Variants in EIF5B observed in about 807,000 individuals in gnomAD.
EIF5B encodes eIF-5B.
A neutral mutation model predicts 147.5 loss-of-function variants in EIF5B; 47 were observed. The ratio of observed to expected loss-of-function variants is 0.32; its 90% CI spans 0.25 to 0.41. EIF5B has a LOEUF of 0.41. EIF5B is among the 10% of genes least tolerant of loss of function. The pLI, the probability that EIF5B is intolerant of heterozygous loss-of-function variation, is 1.00. For synonymous variants in EIF5B, 455 were observed against 456.2 expected (o/e 1.00, Z 0.03); for missense variants, 1,064 against 1,413.2 (o/e 0.75, Z 3.96).
chr2:99,378,995 A>T (rs1674618339), intron 10 of EIF5B, 24 bp from the exon 11 acceptor site: 2 of 1,271,958 alleles, frequency 1.6e-6, no homozygotes, highest in Non-Finnish European at 2.1e-6. Flanking sequence ...TTAATTTTTG[A>T]TTTTTTTTTT....
chr2:99,358,256 G>A (rs187294592), intron 1 of EIF5B, among the ~76,000 whole-genome samples: 257 of 152,098 alleles, frequency 1.7e-3, no homozygotes, highest in Admixed American at 2.6e-3. Flanking sequence ...TTTTAGAGAC[G>A]GGGTTTCATA....
Position 99,399,051 on chromosome 2 carries a change from C to T in EIF5B, c.3555+142C>T, listed in dbSNP as rs572675266. ...TCCCCCATTAGGGCTTGACCTCTAG[C>T]TGGGCCTTGTCTGTTGAGGAAGTTG... On this transcript the variant is annotated intron_variant, in intron 23 of 23. Coordinates refer to ENST00000289371, the MANE Select transcript of EIF5B (RefSeq NM_015904.4). 23 of 1,034,472 alleles carry T rather than the reference C, an allele frequency of 2.2e-5. No individual in the cohort carries two copies. The East Asian group carries it at 5.2e-4, about 23-fold the overall frequency. 64.1% of individuals were successfully genotyped at this position (1,034,472 alleles called of 1,614,324 possible). A position where few individuals can be genotyped will look rare whatever the true frequency, so the allele number is the denominator to read the frequency against.
At chr2:99,368,669 AAAG>A in intron 7 of EIF5B, 78 bp downstream of exon 7, 1 of 1,150,522 alleles carries the variant, frequency 8.7e-7, no homozygotes, top group Non-Finnish European at 1.3e-6. Context: ...CAGTGTCTGT[AAAG>A]AAGAAAGGAA....
At chr2:99,391,178 G>A (rs2104248127) in intron 17 of EIF5B, among the ~76,000 whole-genome samples, 1 of 152,206 alleles carries the variant, frequency 6.6e-6, no homozygotes, top group Non-Finnish European at 1.5e-5. Context: ...AAAAGAAAAC[G>A]TGATTAAGAA....
intron 14 of EIF5B, among the ~76,000 whole-genome samples, chr2:99,386,774 G>C (rs1010380605): frequency 6.6e-6 from 1 of 151,980 alleles, no homozygotes; most frequent in Non-Finnish European, 1.5e-5. Flanking sequence ...TCAAACTCCT[G>C]GCCTCAAGTG....
Position 99,400,465 on chromosome 2 carries a change from T to C in EIF5B, c.*1051T>C. On this transcript the variant is annotated 3_prime_UTR_variant, in exon 24 of 24. Transcript: ENST00000289371. ...TTGTTTGAGGAAAAAGTTCCAAATATCCACTAGCATAGAATTTTAAACTAT... is the reference window on the plus strand; with the variant it reads ...TTGTTTGAGGAAAAAGTTCCAAATACCCACTAGCATAGAATTTTAAACTAT... 6.6e-6 allele frequency: 1 copy of C among 152,188 alleles called. No individual in the cohort carries two copies. The allele number at this position is 152,188 out of a possible 1,614,324, so 9.4% of individuals were successfully genotyped here.
At position 99,396,885 on chromosome 2, in the gene EIF5B, T is replaced by C; in HGVS notation, c.3380T>C (p.Val1127Ala). ...GTGAAACAGGGGACACCCATGTGTG[T>C]CCCAAGCAAAAATGTAAGTTCTAGT... ...GQVKQGTPMC[V>A]PSKNFVDIGI... The change falls in exon 22 of 24, where the codon GTC (valine) becomes GCC (alanine). Residue 1127 changes from valine (V) to alanine (A), a missense_variant. Val to Ala is a moderately conservative substitution (Grantham distance 64). Transcript: ENST00000289371. 1.3e-6 allele frequency: 2 copies of C among 1,598,972 alleles called. No individual in the cohort carries two copies. Among genetic ancestry groups the C allele is most frequent in the Non-Finnish European group, 1.7e-6 (2 of 1,176,194 alleles).
intron 1 of EIF5B, among the ~76,000 whole-genome samples, chr2:99,343,422 C>T (rs190790800): frequency 6.6e-6 from 1 of 151,876 alleles, no homozygotes; most frequent in African/African-American, 2.4e-5. Context: ...TTGTTGAAGT[C>T]CAGTTTATTT....
chr2:99,354,387 A>G (rs1024058255), intron 1 of EIF5B, among the ~76,000 whole-genome samples: 3 of 151,834 alleles, frequency 2.0e-5, no homozygotes, highest in Non-Finnish European at 2.9e-5. Context: ...GATTGTTTGG[A>G]TTTATTTTAC....
At chr2:99,359,838 T>C (rs970946509) in intron 1 of EIF5B, among the ~76,000 whole-genome samples, 1 of 152,184 alleles carries the variant, frequency 6.6e-6, no homozygotes, top group Non-Finnish European at 1.5e-5. Context: ...CAAGTAAAAA[T>C]GCACAGGGAT....
intron 1 of EIF5B, among the ~76,000 whole-genome samples, chr2:99,344,711 A>G (rs1248112669): frequency 6.6e-6 from 1 of 152,172 alleles, no homozygotes. Context: ...TACTGGGATT[A>G]TAGATGTGAG....
chr2:99,371,822 C>G, intron 9 of EIF5B, 92 bp downstream of exon 9: 1 of 1,205,434 alleles, frequency 8.3e-7, no homozygotes, highest in Non-Finnish European at 1.1e-6. Flanking sequence ...ATTATGAAAG[C>G]CATATGAACA....
At chr2:99,337,732 C>A in intron 1 of EIF5B, 143 bp downstream of exon 1, 2 of 1,114,716 alleles carry the variant, frequency 1.8e-6, no homozygotes, top group South Asian at 3.5e-5. Flanking sequence ...GTGTGCGGAG[C>A]GGGCCCAAGC....
chr2:99,386,005 G>GT (rs1318404360), intron 14 of EIF5B, among the ~76,000 whole-genome samples: 1 of 152,116 alleles, frequency 6.6e-6, no homozygotes, highest in African/African-American at 2.4e-5. Context: ...GGCATTTTTT[G>GT]TTACTCATGT....
intron 1 of EIF5B, among the ~76,000 whole-genome samples, chr2:99,349,858 G>T (rs982898097): frequency 6.6e-6 from 1 of 152,016 alleles, no homozygotes; most frequent in Non-Finnish European, 1.5e-5. Flanking sequence ...ATACATTATT[G>T]TTAACTATAG....
intron 7 of EIF5B, 89 bp downstream of exon 7, chr2:99,368,680 G>GA: frequency 1.1e-6 from 1 of 942,050 alleles, no homozygotes. Flanking sequence ...AAGAAGAAAG[G>GA]AAAAAATCCG....
intron 18 of EIF5B, among the ~76,000 whole-genome samples, chr2:99,394,048 A>C (rs1002975736): frequency 6.6e-6 from 1 of 152,260 alleles, no homozygotes; most frequent in African/African-American, 2.4e-5. Context: ...TTTCAAAGTT[A>C]GTAAACCTAA....
chr2:99,382,370 G>T, intron 13 of EIF5B, 144 bp downstream of exon 13: 1 of 643,650 alleles, frequency 1.6e-6, no homozygotes, highest in Non-Finnish European at 2.6e-6. Flanking sequence ...ATTTAGTAAT[G>T]TTTTCTTTGA....
chr2:99,391,344 A>G (rs1360048953), intron 17 of EIF5B, among the ~76,000 whole-genome samples: 1 of 152,198 alleles, frequency 6.6e-6, no homozygotes, highest in Non-Finnish European at 1.5e-5. Flanking sequence ...ATCTGAGTAT[A>G]AGTGGACATA....
Sources: allele counts gnomAD v4.1 joint callset (sites outside exome capture counted in the v4.1 genomes callset), GRCh38; gene constraint gnomAD v4.1.1; transcripts MANE v1.5; gene names NCBI Gene and HGNC (gene_info 2026-07-23, HGNC 2026-07-21).